Variants in NTNG1 observed in about 807,000 individuals in gnomAD.
NTNG1 encodes the protein netrin-G1.
NTNG1 carries 16 observed loss-of-function variants against 54.0 expected under a neutral mutation model. The ratio of observed to expected loss-of-function variants is 0.30; its 90% CI spans 0.20 to 0.45. NTNG1 has a LOEUF of 0.45. Among genes scored for constraint, NTNG1 ranks in the 20% least tolerant of loss-of-function variants. NTNG1 has a pLI of 1.00. For missense variants in NTNG1, 530 were observed against 678.7 expected (o/e 0.78, Z 2.43); for synonymous variants, 255 against 263.1 (o/e 0.97, Z 0.30).
chr1:107,274,664 C>T (rs1432021311), intron 2 of NTNG1, among the ~76,000 whole-genome samples: 4 of 152,162 alleles, frequency 2.6e-5, no homozygotes, highest in African/African-American at 9.7e-5. Context: ...ACATATTCTG[C>T]TACCTGTGGA....
chr1:107,214,320 C>A (rs2101406715), intron 2 of NTNG1, among the ~76,000 whole-genome samples: 1 of 152,216 alleles, frequency 6.6e-6, no homozygotes, highest in East Asian at 1.9e-4. Flanking sequence ...ATTCTTATAC[C>A]TTTGTGTCCT....
At chr1:107,228,620 CA>C (rs1478312115) in intron 2 of NTNG1, among the ~76,000 whole-genome samples, 7 of 152,148 alleles carry the variant, frequency 4.6e-5, no homozygotes, top group African/African-American at 1.4e-4. Flanking sequence ...AGATAGTTTA[CA>C]ATAACTTTAC....
intron 3 of NTNG1, among the ~76,000 whole-genome samples, chr1:107,328,275 G>A (rs1194257729): frequency 2.6e-5 from 4 of 152,082 alleles, no homozygotes; most frequent in African/African-American, 7.2e-5. Flanking sequence ...AATAACAGAC[G>A]AGTGCAGTGT....
At chr1:107,390,600 A>T (rs1315955134) in intron 3 of NTNG1, among the ~76,000 whole-genome samples, 1 of 152,226 alleles carries the variant, frequency 6.6e-6, no homozygotes, top group Non-Finnish European at 1.5e-5. Flanking sequence ...TTTTCAACAC[A>T]CATCATGGAG....
intron 4 of NTNG1, among the ~76,000 whole-genome samples, chr1:107,397,755 G>A (rs1003472617): frequency 1.4e-5 from 2 of 147,566 alleles, no homozygotes; most frequent in Non-Finnish European, 3.0e-5. Flanking sequence ...TTCTTTTTAA[G>A]TAGTAAAGGA....
chr1:107,480,687 G>A lies in NTNG1; in HGVS notation c.1467G>A (p.Pro489=), dbSNP rs1678640631. ...ACAACAACGTGCGCTGCCTGTGCCC[G>A]GCCGCATACACGGGCATCCTCTGCG... ...TCHNNVRCLC[P]AAYTGILCEK... The change falls in exon 8 of 8, where the codon CCG becomes CCA. Residue 489 remains proline (P), a synonymous_variant. Transcript: ENST00000370068. 2 of 1,565,108 alleles carry A rather than the reference G, an allele frequency of 1.3e-6. No individual in the cohort carries two copies. Among genetic ancestry groups the A allele is most frequent in the Non-Finnish European group, 1.7e-6 (2 of 1,150,168 alleles).
intron 3 of NTNG1, among the ~76,000 whole-genome samples, chr1:107,384,058 A>G (rs1447797085): frequency 1.3e-5 from 2 of 152,052 alleles, no homozygotes; most frequent in African/African-American, 4.8e-5. Context: ...ATCCTTCAGC[A>G]CTCCTTATCT....
intron 2 of NTNG1, among the ~76,000 whole-genome samples, chr1:107,158,130 C>T (rs1427641849): frequency 6.6e-6 from 1 of 152,086 alleles, no homozygotes. Context: ...AAAGTTGAAT[C>T]CTAAAACATA....
chr1:107,389,428 TA>T (rs556703825), intron 3 of NTNG1, among the ~76,000 whole-genome samples: 1 of 150,210 alleles, frequency 6.7e-6, no homozygotes, highest in East Asian at 2.0e-4. Flanking sequence ...TATAAAAAAA[TA>T]AAAAAATGAG....
chr1:107,436,623 T>A (rs768597574), intron 6 of NTNG1, 42 bp from the exon 7 acceptor site: 9 of 1,599,216 alleles, frequency 5.6e-6, no homozygotes, highest in Non-Finnish European at 7.7e-6. Context: ...CTGTAAGCCA[T>A]GCAGACTTGT....
chr1:107,363,716 A>T (rs114551398), intron 3 of NTNG1, among the ~76,000 whole-genome samples: 307 of 152,270 alleles, frequency 2.0e-3, no homozygotes, highest in African/African-American at 7.2e-3. Context: ...GCTCATCTCC[A>T]CCAACAGGCA....
At chr1:107,210,777 A>T (rs762900840) in intron 2 of NTNG1, among the ~76,000 whole-genome samples, 21 of 152,188 alleles carry the variant, frequency 1.4e-4, no homozygotes, top group Admixed American at 3.9e-4. Context: ...TTCCATTTTC[A>T]TTTGGCCTCC....
Position 107,395,344 on chromosome 1 carries a change from G to A in NTNG1, c.1060+18G>A, listed in dbSNP as rs757714628. 5.6e-6 allele frequency: 9 copies of A among 1,606,412 alleles called. No individual in the cohort carries two copies. Among genetic ancestry groups the A allele is most frequent in the Non-Finnish European group, 7.7e-6 (9 of 1,173,502 alleles). On this transcript the variant is annotated intron_variant, in intron 4 of 7. Coordinates refer to ENST00000370068, the MANE Select transcript of NTNG1 (RefSeq NM_001113226.3). ...AAATACCTGTGAGTAACTTTGCTTG[G>A]TAACAGCATATTCTGTGCACCATGA...
chr1:107,281,880 C>A (rs1013773909), intron 2 of NTNG1, among the ~76,000 whole-genome samples: 8 of 152,092 alleles, frequency 5.3e-5, no homozygotes, highest in Admixed American at 4.6e-4. Context: ...TAATGACTCA[C>A]ATTTTGTCAA....
chr1:107,240,005 T>C (rs1661712593), intron 2 of NTNG1, among the ~76,000 whole-genome samples: 1 of 152,250 alleles, frequency 6.6e-6, no homozygotes, highest in Admixed American at 6.5e-5. Flanking sequence ...CACATATACC[T>C]GTTGGCTACC....
chr1:107,281,790 T>C (rs1204368895), intron 2 of NTNG1, among the ~76,000 whole-genome samples: 4 of 152,202 alleles, frequency 2.6e-5, no homozygotes, highest in African/African-American at 9.6e-5. Flanking sequence ...TTTACCAGAA[T>C]GTAAATCAAC....
chr1:107,470,310 C>A (rs1558023708), intron 7 of NTNG1, among the ~76,000 whole-genome samples: 1 of 152,104 alleles, frequency 6.6e-6, no homozygotes, highest in African/African-American at 2.4e-5. Flanking sequence ...AAAAACCCAG[C>A]AATTTATTTT....
At chr1:107,359,029 C>T (rs1173555970) in intron 3 of NTNG1, among the ~76,000 whole-genome samples, 2 of 152,174 alleles carry the variant, frequency 1.3e-5, no homozygotes, top group Non-Finnish European at 2.9e-5. Flanking sequence ...CCAAATGTTA[C>T]TCCAATTTGC....
chr1:107,343,483 A>G (rs1053137314), intron 3 of NTNG1, among the ~76,000 whole-genome samples: 4 of 151,926 alleles, frequency 2.6e-5, no homozygotes, highest in African/African-American at 9.7e-5. Context: ...GCCTACTGCT[A>G]TCTTGGCTTT....
Sources: allele counts gnomAD v4.1 joint callset (sites outside exome capture counted in the v4.1 genomes callset), GRCh38; gene constraint gnomAD v4.1.1; transcripts MANE v1.5; gene names NCBI Gene and HGNC (gene_info 2026-07-23, HGNC 2026-07-21).